The following RNF150 variants were observed in gnomAD, a reference collection of about 807,000 sequenced individuals.
RNF150 encodes ring finger protein 150.
In RNF150, 24 loss-of-function variants were observed where a neutral mutation model predicts 39.3. That is an observed-to-expected ratio of 0.61 (90% CI 0.44 to 0.86). RNF150 has a LOEUF of 0.86. Among genes scored for constraint, RNF150 ranks in the 40% least tolerant of loss-of-function variants. The pLI is 0.00. For missense variants in RNF150, 502 were observed against 587.8 expected, an observed-to-expected ratio of 0.85 and a Z score of 1.51; for synonymous variants, 255 against 227.3, an observed-to-expected ratio of 1.12 and a Z score of -1.10.
chr4:140,999,987 A>AGAG lies in RNF150; in HGVS notation c.485-32115_485-32114insCTC, dbSNP rs1560678707. Among the ~76,000 whole-genome samples the AGAG allele has an allele frequency of 9.8e-5, 3 of 30,752 alleles. 1 individual carries two copies. Among genetic ancestry groups the AGAG allele is most frequent in the Non-Finnish European group, 9.8e-5 (1 of 10,236 alleles). The allele number at this position is 30,752 out of a possible 152,430, so 20.2% of individuals were successfully genotyped here. A position where few individuals can be genotyped will look rare whatever the true frequency, so the allele number is the denominator to read the frequency against. On this transcript the variant is annotated intron_variant, in intron 1 of 6. Transcript: ENST00000515673. ...AGAAGAAGAAGAAGAAAAGAAGAAAAGAAGAAAAGAAGAAGAAGAAGAAGA... is the reference window on the plus strand; with the variant it reads ...AGAAGAAGAAGAAGAAAAGAAGAAAAGAGGAAGAAAAGAAGAAGAAGAAGAAGA...
At chr4:141,070,463 A>C (rs1342689653) in intron 1 of RNF150, among the ~76,000 whole-genome samples, 2 of 148,250 alleles carry the variant, frequency 1.3e-5, no homozygotes, top group South Asian at 2.2e-4. Flanking sequence ...AATGGGAGAA[A>C]ATTTTCGCAA....
chr4:140,879,902 C>G (rs1028517038), intron 6 of RNF150, among the ~76,000 whole-genome samples: 3 of 152,164 alleles, frequency 2.0e-5, no homozygotes, highest in Non-Finnish European at 2.9e-5. Context: ...AATGTGGAAT[C>G]TTTAAAGTTT....
At chr4:140,937,596 A>G (rs766667503) in intron 4 of RNF150, among the ~76,000 whole-genome samples, 1 of 152,112 alleles carries the variant, frequency 6.6e-6, no homozygotes, top group Non-Finnish European at 1.5e-5. Context: ...TTTTTAAAAA[A>G]TGTTTTTTAT....
chr4:141,076,939 G>C (rs1172999046), intron 1 of RNF150, among the ~76,000 whole-genome samples: 1 of 152,040 alleles, frequency 6.6e-6, no homozygotes, highest in Non-Finnish European at 1.5e-5. Flanking sequence ...CCAGGCACTT[G>C]ATATCAATGG....
intron 1 of RNF150, 23 bp from the exon 2 acceptor site, chr4:140,967,896 G>T: frequency 1.2e-6 from 2 of 1,609,006 alleles, no homozygotes; most frequent in South Asian, 2.2e-5. Context: ...GGGAAGGAAG[G>T]GGCAATAAAG....
intron 1 of RNF150, among the ~76,000 whole-genome samples, chr4:141,152,888 T>G (rs1460360757): frequency 6.6e-6 from 1 of 152,176 alleles, no homozygotes; most frequent in Non-Finnish European, 1.5e-5. Context: ...ATATGCAGGT[T>G]TTTTACATAT....
chr4:140,876,767 G>A (rs1232135462), intron 6 of RNF150, among the ~76,000 whole-genome samples: 1 of 152,212 alleles, frequency 6.6e-6, no homozygotes, highest in South Asian at 2.1e-4. Context: ...AGCTACTAGA[G>A]TTCTATTTGG....
At chr4:140,996,407 C>T (rs2111490053) in intron 1 of RNF150, among the ~76,000 whole-genome samples, 1 of 152,194 alleles carries the variant, frequency 6.6e-6, no homozygotes, top group East Asian at 1.9e-4. Context: ...TGAATGTCAG[C>T]ACTACTAAAT....
At chr4:140,994,898 T>C (rs1197654791) in intron 1 of RNF150, among the ~76,000 whole-genome samples, 2 of 152,182 alleles carry the variant, frequency 1.3e-5, no homozygotes, top group Non-Finnish European at 2.9e-5. Flanking sequence ...CATGAGGTAT[T>C]TTGATACAAG....
chr4:140,947,157 T>C (rs1732347532), intron 4 of RNF150, among the ~76,000 whole-genome samples: 1 of 151,926 alleles, frequency 6.6e-6, no homozygotes, highest in Non-Finnish European at 1.5e-5. Flanking sequence ...TGTCACATTC[T>C]CTTTCTGTTA....
chr4:141,086,272 A>G (rs1333028831), intron 1 of RNF150, among the ~76,000 whole-genome samples: 3 of 152,162 alleles, frequency 2.0e-5, no homozygotes, highest in African/African-American at 4.8e-5. Context: ...GTGTGCTAAC[A>G]TCTCCTACTA....
intron 1 of RNF150, among the ~76,000 whole-genome samples, chr4:141,191,743 G>T (rs1346708657): frequency 6.6e-6 from 1 of 152,184 alleles, no homozygotes; most frequent in African/African-American, 2.4e-5. Context: ...AATGCTCTTT[G>T]TTGTTTATAA....
At chr4:141,078,959 ATATGTT>A (rs1412704325) in intron 1 of RNF150, among the ~76,000 whole-genome samples, 1 of 151,480 alleles carries the variant, frequency 6.6e-6, no homozygotes, top group Non-Finnish European at 1.5e-5. Flanking sequence ...ATACACATAT[ATATGTT>A]TATAAGAAAG....
intron 1 of RNF150, among the ~76,000 whole-genome samples, chr4:141,091,473 G>T (rs991982111): frequency 1.3e-5 from 2 of 152,242 alleles, no homozygotes; most frequent in South Asian, 4.1e-4. Context: ...GGGCAGGATG[G>T]GAAACAGTGG....
At chr4:141,139,309 C>A (rs1578762729) in intron 1 of RNF150, among the ~76,000 whole-genome samples, 1 of 152,214 alleles carries the variant, frequency 6.6e-6, no homozygotes, top group Admixed American at 6.5e-5. Flanking sequence ...TGGCAGGGCT[C>A]CTCCCATCAA....
chr4:140,909,721 C>A (rs943542439), intron 6 of RNF150, among the ~76,000 whole-genome samples: 1 of 152,070 alleles, frequency 6.6e-6, no homozygotes, highest in Admixed American at 6.5e-5. Flanking sequence ...CCAGTCTAAA[C>A]CTTCAAAACA....
chr4:140,890,150 A>C (rs1482765341), intron 6 of RNF150, among the ~76,000 whole-genome samples: 1 of 152,196 alleles, frequency 6.6e-6, no homozygotes, highest in Non-Finnish European at 1.5e-5. Flanking sequence ...GCAGGTAACA[A>C]AAAAATCAAT....
At chr4:141,198,113 G>A (rs13146786) in intron 1 of RNF150, among the ~76,000 whole-genome samples, 6 of 147,378 alleles carry the variant, frequency 4.1e-5, no homozygotes, top group Admixed American at 6.9e-5. Context: ...TGCAACCTCC[G>A]CCTCCTGGTT....
intron 1 of RNF150, among the ~76,000 whole-genome samples, chr4:140,984,291 A>G (rs1733952799): frequency 6.6e-6 from 1 of 152,098 alleles, no homozygotes; most frequent in African/African-American, 2.4e-5. Context: ...CAAATAAAAC[A>G]CTACATATCC....
Sources: allele counts gnomAD v4.1 joint callset (sites outside exome capture counted in the v4.1 genomes callset), GRCh38; gene constraint gnomAD v4.1.1; transcripts MANE v1.5; gene names NCBI Gene and HGNC (gene_info 2026-07-23, HGNC 2026-07-21).